Variants in TBC1D5 observed in about 807,000 individuals in gnomAD.
TBC1D5 encodes TBC1 domain family member 5.
TBC1D5 carries 75 observed loss-of-function variants against 100.3 expected under a neutral mutation model. The observed-to-expected ratio is 0.75, with a 90% CI of 0.62 to 0.91. The LOEUF (loss-of-function observed/expected upper bound fraction) is 0.91. Ranked by LOEUF, TBC1D5 falls within the 40% of genes least tolerant of loss-of-function variation. The pLI is 0.00. For synonymous variants in TBC1D5, 323 were observed against 325.6 expected, an observed-to-expected ratio of 0.99 and a Z score of 0.09; for missense variants, 910 against 942.4, an observed-to-expected ratio of 0.97 and a Z score of 0.45.
intron 3 of TBC1D5, among the ~76,000 whole-genome samples, chr3:17,435,515 C>A (rs559215726): frequency 5.7e-4 from 87 of 152,234 alleles, no homozygotes; most frequent in Middle Eastern, 6.8e-3. Context: ...GGGGGAAAAG[C>A]CCCTTAGAAA....
rs1018462620 is a variant in TBC1D5 at position 17,731,297 on chromosome 3, T to C, written c.-101+8046A>G. On this transcript the variant is annotated intron_variant, in intron 1 of 21. Coordinates refer to ENST00000253692, the Ensembl canonical transcript of TBC1D5. ...GCGGGCGGATCACGAGGTCAAGAGA[T>C]TGAGACCATCCTCGCCAACATGGTG... Among the ~76,000 whole-genome samples the C allele has an allele frequency of 7.1e-4, 108 of 151,938 alleles. 1 individual carries two copies. The highest frequency in any genetic ancestry group is 2.5e-3 in the African/African-American group (103 of 41,464).
intron 18 of TBC1D5, among the ~76,000 whole-genome samples, chr3:17,204,509 C>G (rs954896313): frequency 6.6e-6 from 1 of 152,108 alleles, no homozygotes; most frequent in Admixed American, 6.6e-5. Flanking sequence ...TTGAGCTTTC[C>G]CCAAACCATT....
chr3:17,240,142 AT>A (rs1332783781), intron 16 of TBC1D5, among the ~76,000 whole-genome samples: 1 of 152,220 alleles, frequency 6.6e-6, no homozygotes, highest in Non-Finnish European at 1.5e-5. Context: ...TAGTTCTATA[AT>A]AAAAAGGAAA....
chr3:17,709,671 G>T (rs1054943273), intron 1 of TBC1D5, among the ~76,000 whole-genome samples: 1 of 151,992 alleles, frequency 6.6e-6, no homozygotes, highest in Non-Finnish European at 1.5e-5. Context: ...AGCCAAGGCA[G>T]GCCAGAAACT....
chr3:17,366,630 A>T (rs1460845556), intron 13 of TBC1D5, among the ~76,000 whole-genome samples: 1 of 152,144 alleles, frequency 6.6e-6, no homozygotes, highest in African/African-American at 2.4e-5. Context: ...GAATATCTCA[A>T]TTGTTAACTG....
chr3:17,561,677 C>T (rs903984098), intron 2 of TBC1D5, among the ~76,000 whole-genome samples: 5 of 151,882 alleles, frequency 3.3e-5, no homozygotes, highest in African/African-American at 1.2e-4. Flanking sequence ...TTTAGGCCAA[C>T]GAATTTGAAG....
chr3:17,394,817 T>C (rs2093454437), intron 8 of TBC1D5, among the ~76,000 whole-genome samples: 1 of 151,998 alleles, frequency 6.6e-6, no homozygotes, highest in South Asian at 2.1e-4. Context: ...GCTAGGGATA[T>C]GAAGGCAAAG....
At chr3:17,365,161 C>T (rs1348450927) in intron 13 of TBC1D5, among the ~76,000 whole-genome samples, 3 of 152,088 alleles carry the variant, frequency 2.0e-5, no homozygotes, top group Non-Finnish European at 2.9e-5. Flanking sequence ...GTTATTTAGA[C>T]TTAATCATAT....
At chr3:17,606,823 A>C (rs2061361337) in intron 2 of TBC1D5, among the ~76,000 whole-genome samples, 1 of 152,202 alleles carries the variant, frequency 6.6e-6, no homozygotes, top group Non-Finnish European at 1.5e-5. Context: ...AAAGCCAGTA[A>C]ATAATATCAA....
At chr3:17,374,597 A>G (rs1356771126) in intron 11 of TBC1D5, 32 bp downstream of exon 11, 1 of 1,610,250 alleles carries the variant, frequency 6.2e-7, no homozygotes, top group Admixed American at 1.7e-5. Flanking sequence ...GATGGTATAA[A>G]AAAATAAAAC....
At chr3:17,165,210 G>C (rs558469617) in intron 21 of TBC1D5, among the ~76,000 whole-genome samples, 1 of 152,302 alleles carries the variant, frequency 6.6e-6, no homozygotes, top group African/African-American at 2.4e-5. Flanking sequence ...TCATTGGTAG[G>C]TTCTTATAAA....
chr3:17,248,650 G>A (rs1435894681), intron 16 of TBC1D5, among the ~76,000 whole-genome samples: 1 of 152,196 alleles, frequency 6.6e-6, no homozygotes, highest in Non-Finnish European at 1.5e-5. Context: ...AAGCTCTTGG[G>A]TGACCAGGTG....
intron 2 of TBC1D5, among the ~76,000 whole-genome samples, chr3:17,523,427 C>T (rs1015334735): frequency 1.3e-5 from 2 of 152,108 alleles, no homozygotes; most frequent in African/African-American, 4.8e-5. Context: ...GGAGCTCTAA[C>T]TCTGAAAGGT....
chr3:17,593,563 T>G (rs752404102), intron 2 of TBC1D5, among the ~76,000 whole-genome samples: 2 of 152,168 alleles, frequency 1.3e-5, no homozygotes, highest in Non-Finnish European at 2.9e-5. Context: ...AACAGACACT[T>G]ACTCCGCTTA....
intron 1 of TBC1D5, among the ~76,000 whole-genome samples, chr3:17,705,010 C>CG (rs2073850779): frequency 7.5e-6 from 1 of 132,894 alleles, no homozygotes; most frequent in African/African-American, 2.8e-5. Context: ...GGCTGACCCC[C>CG]CCACCTCCCT....
At chr3:17,446,001 C>T (rs1242238311) in intron 3 of TBC1D5, among the ~76,000 whole-genome samples, 1 of 152,144 alleles carries the variant, frequency 6.6e-6, no homozygotes, top group Non-Finnish European at 1.5e-5. Context: ...GAGTAATGCA[C>T]TTCTGCCTTT....
intron 13 of TBC1D5, among the ~76,000 whole-genome samples, chr3:17,339,572 T>C (rs1034698395): frequency 1.3e-5 from 2 of 152,260 alleles, no homozygotes; most frequent in Non-Finnish European, 2.9e-5. Flanking sequence ...GTTATCTATA[T>C]TTCCCCACAT....
intron 16 of TBC1D5, among the ~76,000 whole-genome samples, chr3:17,249,271 G>A (rs924808661): frequency 6.6e-6 from 1 of 152,186 alleles, no homozygotes; most frequent in Non-Finnish European, 1.5e-5. Context: ...GAGAGATCTA[G>A]CTTGCGACCC....
chr3:17,509,010 A>G (rs924687310), intron 2 of TBC1D5, among the ~76,000 whole-genome samples: 2 of 152,176 alleles, frequency 1.3e-5, no homozygotes, highest in Non-Finnish European at 2.9e-5. Context: ...AGTATTAGCT[A>G]GAAATATTAG....
Sources: gnomAD v4.1 joint callset for allele counts (sites outside exome capture counted in the v4.1 genomes callset) on GRCh38, gnomAD v4.1.1 for gene constraint, MANE v1.5 for transcripts, NCBI Gene and HGNC (gene_info 2026-07-23, HGNC 2026-07-21) for gene names.